ELF5: variants seen among roughly 807,000 people sequenced by gnomAD.
ELF5 encodes the protein E74 like ETS transcription factor 5, also known as ETS-related transcription factor Elf-5.
ELF5 carries 31 observed loss-of-function variants against 38.2 expected under a neutral mutation model. That is an observed-to-expected ratio of 0.81 (90% confidence interval 0.61 to 1.10). The LOEUF (loss-of-function observed/expected upper bound fraction) is 1.10. Ranked by LOEUF, ELF5 falls within the 50% of genes least tolerant of loss-of-function variation. The pLI is 0.00. For synonymous variants in ELF5, 121 were observed against 112.5 expected (o/e 1.08, Z -0.48); for missense variants, 300 against 306.6 (o/e 0.98, Z 0.16).
At chr11:34,503,391 C>T (rs1850521175) in intron 2 of ELF5, among the ~76,000 whole-genome samples, 1 of 151,740 alleles carries the variant, frequency 6.6e-6, no homozygotes, top group Non-Finnish European at 1.5e-5. Context: ...AACTCCTGAC[C>T]TCAGGTGATC....
rs1329976143 is a variant in ELF5, at chr11:34,490,116, C to T, written c.356-57G>A. 22 of 1,594,908 alleles carry T rather than the reference C, an allele frequency of 1.4e-5. No individual in the cohort carries two copies. In the East Asian group the frequency reaches 4.7e-4, roughly 34 times the overall value. The stretch of plus-strand genomic sequence containing the variant: ...CCATGCAATCCTGGTTTCCACTGGC[C>T]AGGCCAGGAGAGGGGGTGTTGGAGG... On this transcript the variant is annotated intron_variant, in intron 3 of 6. Coordinates refer to ENST00000257832, the MANE Select transcript of ELF5 (RefSeq NM_001422.4).
intron 1 of ELF5, among the ~76,000 whole-genome samples, chr11:34,508,900 A>T (rs949906328): frequency 2.6e-5 from 4 of 152,220 alleles, no homozygotes; most frequent in Admixed American, 6.5e-5. Context: ...TGAAAACACA[A>T]TTGAGCCCCA....
At chr11:34,489,114 C>A (rs184908977) in intron 4 of ELF5, among the ~76,000 whole-genome samples, 3 of 152,350 alleles carry the variant, frequency 2.0e-5, no homozygotes, top group African/African-American at 2.4e-5. Context: ...AAGCCCGTAG[C>A]GTGTGGTCCA....
intron 3 of ELF5, chr11:34,493,240 G>A: frequency 1.0e-5 from 6 of 600,318 alleles, no homozygotes; most frequent in African/African-American, 1.9e-5. Flanking sequence ...TGAACGTGGT[G>A]TCCGTTTTTC....
chr11:34,498,318 C>G (rs1850366391), intron 2 of ELF5, among the ~76,000 whole-genome samples: 1 of 152,014 alleles, frequency 6.6e-6, no homozygotes, highest in African/African-American at 2.4e-5. Flanking sequence ...CTTCCCGTGT[C>G]ACCACTTTAA....
intron 1 of ELF5, among the ~76,000 whole-genome samples, chr11:34,507,984 AATC>A (rs1472882734): frequency 3.3e-5 from 5 of 152,238 alleles, no homozygotes; most frequent in Non-Finnish European, 5.9e-5. Flanking sequence ...TACTTAAAAA[AATC>A]ATCAACTCCC....
At chr11:34,495,798 G>C (rs1355677421) in intron 2 of ELF5, among the ~76,000 whole-genome samples, 1 of 152,202 alleles carries the variant, frequency 6.6e-6, no homozygotes, top group Non-Finnish European at 1.5e-5. Context: ...CAGGCCCGTG[G>C]GGGCTCTTCA....
At chr11:34,493,105 T>A in intron 3 of ELF5, 1 of 385,658 alleles carries the variant, frequency 2.6e-6, no homozygotes, top group Non-Finnish European at 4.7e-6. Flanking sequence ...AGGTAGTCTA[T>A]TTAATTTTAT....
At chr11:34,504,105 C>T (rs933803072) in intron 2 of ELF5, among the ~76,000 whole-genome samples, 10 of 152,254 alleles carry the variant, frequency 6.6e-5, no homozygotes, top group African/African-American at 2.4e-4. Context: ...GATGGCAGGT[C>T]TGGGTTAAGT....
chr11:34,481,499 C>A (rs190660571), intron 5 of ELF5, among the ~76,000 whole-genome samples: 1 of 152,120 alleles, frequency 6.6e-6, no homozygotes, highest in Non-Finnish European at 1.5e-5. Context: ...CAGAGACACC[C>A]AATTTACATG....
At chr11:34,483,374 A>C (rs575085085) in intron 4 of ELF5, among the ~76,000 whole-genome samples, 5 of 152,096 alleles carry the variant, frequency 3.3e-5, no homozygotes, top group South Asian at 4.1e-4. Flanking sequence ...ACGAGGGGGC[A>C]GGGATTTGTG....
intron 1 of ELF5, among the ~76,000 whole-genome samples, chr11:34,509,819 T>C (rs1247619844): frequency 1.3e-5 from 2 of 152,172 alleles, no homozygotes. Flanking sequence ...AGGCCTGTGA[T>C]ATGACCTTCT....
At chr11:34,485,520 G>A (rs1278046480) in intron 4 of ELF5, among the ~76,000 whole-genome samples, 1 of 152,252 alleles carries the variant, frequency 6.6e-6, no homozygotes, top group African/African-American at 2.4e-5. Flanking sequence ...ATGGCAAGAA[G>A]TGGGAGGAAA....
intron 2 of ELF5, among the ~76,000 whole-genome samples, chr11:34,503,984 C>T (rs1257538179): frequency 6.6e-6 from 1 of 152,178 alleles, no homozygotes; most frequent in East Asian, 1.9e-4. Context: ...TGACACAGAG[C>T]CGCTGCTTCA....
At chr11:34,483,585 C>G (rs1379979361) in intron 4 of ELF5, among the ~76,000 whole-genome samples, 1 of 151,956 alleles carries the variant, frequency 6.6e-6, no homozygotes, top group East Asian at 1.9e-4. Flanking sequence ...ACTAACTATA[C>G]TGTACTATAC....
chr11:34,486,434 G>A (rs868298857), intron 4 of ELF5, among the ~76,000 whole-genome samples: 2 of 152,202 alleles, frequency 1.3e-5, no homozygotes, highest in Non-Finnish European at 1.5e-5. Context: ...TGGGCACTAA[G>A]TTGAAAATCA....
chr11:34,485,309 T>G (rs1849961682), intron 4 of ELF5, among the ~76,000 whole-genome samples: 1 of 152,242 alleles, frequency 6.6e-6, no homozygotes, highest in Non-Finnish European at 1.5e-5. Context: ...TGAACCATTA[T>G]TAGCTAAGAT....
intron 1 of ELF5, among the ~76,000 whole-genome samples, chr11:34,507,510 G>T (rs1850639359): frequency 6.6e-6 from 1 of 152,206 alleles, no homozygotes; most frequent in African/African-American, 2.4e-5. Flanking sequence ...TTTGGTGGCG[G>T]CAAGGAGCTC....
chr11:34,493,214 G>A lies in ELF5; in HGVS notation c.355+265C>T, dbSNP rs74793384. The A allele has an allele frequency of 1.7e-3, 1,035 of 595,018 alleles. 8 individuals are homozygous for A. In the African/African-American group the frequency reaches 0.017, roughly 10 times the overall value. The allele number at this position is 595,018 out of a possible 1,614,324, so 36.9% of individuals were successfully genotyped here. ...AATATACTGTATTATTATCAGCCTG[G>A]TGCCTGGGCAGTCCCTGAACGTGGT... On this transcript the variant is annotated intron_variant, in intron 3 of 6. Coordinates refer to ENST00000257832, the MANE Select transcript of ELF5 (RefSeq NM_001422.4).
Sources: allele counts gnomAD v4.1 joint callset (sites outside exome capture counted in the v4.1 genomes callset), GRCh38; gene constraint gnomAD v4.1.1; transcripts MANE v1.5; gene names NCBI Gene and HGNC (gene_info 2026-07-23, HGNC 2026-07-21).